The following SLC11A2 variants were observed in gnomAD, a reference collection of about 807,000 sequenced individuals.
SLC11A2 encodes the protein solute carrier family 11 member 2.
In SLC11A2, 38 loss-of-function variants were observed where a neutral mutation model predicts 68.0. The observed-to-expected ratio is 0.56, with a 90% CI of 0.43 to 0.73. The LOEUF (loss-of-function observed/expected upper bound fraction) is 0.73, where lower values mean the gene tolerates loss of function less well. Ranked by LOEUF, SLC11A2 falls within the 30% of genes least tolerant of loss-of-function variation. SLC11A2 has a pLI of 0.00. For missense variants in SLC11A2, 517 were observed against 690.5 expected, an observed-to-expected ratio of 0.75 and a Z score of 2.82; for synonymous variants, 242 against 250.6, an observed-to-expected ratio of 0.97 and a Z score of 0.32.
At chr12:50,985,282 T>C (rs947728359), downstream of SLC11A2, among the ~76,000 whole-genome samples, 1 of 152,178 alleles carries the variant, frequency 6.6e-6, no homozygotes, top group Non-Finnish European at 1.5e-5. Context: ...TGAATCCTAT[T>C]TTAGTTCTGA....
Position 50,987,977 on chromosome 12 carries a change from C to G in SLC11A2, c.*348G>C, listed in dbSNP as rs1940763426. 1 of 1,301,868 alleles carries G rather than the reference C, an allele frequency of 7.7e-7. No individual in the cohort carries two copies. The highest frequency in any genetic ancestry group is 1.0e-6 in the Non-Finnish European group (1 of 998,636). 80.6% of individuals were successfully genotyped at this position (1,301,868 alleles called of 1,614,324 possible). A position where few individuals can be genotyped will look rare whatever the true frequency, so the allele number is the denominator to read the frequency against. On this transcript the variant is annotated 3_prime_UTR_variant, in exon 16 of 16. Coordinates refer to ENST00000262052, the MANE Select transcript of SLC11A2 (RefSeq NM_000617.3). ...ATAATAAAAAATGTATTGCATTTTC[C>G]AATTTTTTTTTAACATATAGCCTGG... is the stretch of plus-strand genomic sequence containing the variant.
chr12:51,011,217 C>T (rs1943193413), intron 1 of SLC11A2, among the ~76,000 whole-genome samples: 1 of 151,954 alleles, frequency 6.6e-6, no homozygotes, highest in Non-Finnish European at 1.5e-5. Flanking sequence ...CAACCTCTGC[C>T]TCCTGGGTTC....
chr12:50,997,714 A>C (rs1941839099), intron 8 of SLC11A2, among the ~76,000 whole-genome samples: 2 of 134,936 alleles, frequency 1.5e-5, no homozygotes, highest in South Asian at 4.9e-4. Flanking sequence ...AAGGCCAGGC[A>C]TGGTGGCTCA....
downstream of SLC11A2, among the ~76,000 whole-genome samples, chr12:50,978,027 C>A (rs914686054): frequency 1.6e-4 from 24 of 152,150 alleles, no homozygotes; most frequent in African/African-American, 5.6e-4. Flanking sequence ...GAAATAGGAA[C>A]TTTTACACTG....
chr12:50,958,256 A>G, the SLC11A2 span, among the ~76,000 whole-genome samples: 1 of 151,556 alleles, frequency 6.6e-6, no homozygotes, highest in East Asian at 1.9e-4. Context: ...ATGGAAAGGC[A>G]CAAGTCCTAG....
intron 15 of SLC11A2, among the ~76,000 whole-genome samples, chr12:50,990,168 A>T (rs778725672): frequency 1.9e-3 from 152 of 80,302 alleles, no homozygotes; most frequent in Non-Finnish European, 3.2e-3. Context: ...CATGATTTTT[A>T]AAAAATGACT....
chr12:51,028,692 T>C (rs985681796), upstream of SLC11A2: 1 of 155,714 alleles, frequency 6.4e-6, no homozygotes, highest in Non-Finnish European at 1.4e-5. Flanking sequence ...AGCCTGACAG[T>C]GCACTTGTAT....
the SLC11A2 span, chr12:50,961,180 G>A: frequency 7.2e-7 from 1 of 1,394,444 alleles, no homozygotes; most frequent in Non-Finnish European, 9.9e-7. Flanking sequence ...CATAGTAGAA[G>A]ATGAATGTTG....
chr12:51,015,984 C>T (rs938415153), intron 1 of SLC11A2, among the ~76,000 whole-genome samples: 13 of 152,044 alleles, frequency 8.6e-5, no homozygotes, highest in African/African-American at 2.2e-4. Flanking sequence ...GGGGTTTCAC[C>T]GTGTTGGCCA....
intron 3 of SLC11A2, chr12:51,008,063 G>A: frequency 6.1e-6 from 1 of 165,162 alleles, no homozygotes; most frequent in Non-Finnish European, 1.3e-5. Flanking sequence ...AATGAGCCTG[G>A]CATGGTGGCA....
intron 1 of SLC11A2, chr12:51,026,106 T>C (rs1176762277): frequency 9.1e-7 from 1 of 1,099,574 alleles, no homozygotes; most frequent in Non-Finnish European, 1.1e-6. Context: ...TTTGGGTCTT[T>C]CTCTGAATGG....
chr12:51,013,365 G>A (rs1027475735), intron 1 of SLC11A2, among the ~76,000 whole-genome samples: 8 of 145,778 alleles, frequency 5.5e-5, no homozygotes, highest in African/African-American at 1.8e-4. Context: ...ATCTCAGCTC[G>A]CTACAACCTC....
chr12:51,026,028 T>C (rs1302828498), intron 1 of SLC11A2: 1 of 1,052,754 alleles, frequency 9.5e-7, no homozygotes, highest in African/African-American at 1.7e-5. Flanking sequence ...CTGGGCCATG[T>C]GTCCTAGGCC....
chr12:50,961,195 A>C, the SLC11A2 span: 1 of 1,307,232 alleles, frequency 7.6e-7, no homozygotes. Context: ...ATGTTGGGTC[A>C]CAATGATGTA....
intron 11 of SLC11A2, among the ~76,000 whole-genome samples, chr12:50,993,948 A>G (rs1325483510): frequency 3.0e-5 from 4 of 132,280 alleles, no homozygotes. Flanking sequence ...GCCATGATCG[A>G]GCCACTGTAC....
upstream of SLC11A2, among the ~76,000 whole-genome samples, chr12:51,027,445 G>GA (rs1944437592): frequency 6.6e-6 from 1 of 151,596 alleles, no homozygotes; most frequent in Non-Finnish European, 1.5e-5. Flanking sequence ...GAGGAACCGA[G>GA]AAACATCAGC....
intron 5 of SLC11A2, 119 bp from the exon 6 acceptor site, chr12:51,000,538 C>A: frequency 2.6e-6 from 2 of 759,824 alleles, no homozygotes; most frequent in Admixed American, 2.0e-5. Context: ...AGCCTCCAGA[C>A]TAGAGAAGAA....
intron 1 of SLC11A2, among the ~76,000 whole-genome samples, chr12:51,015,380 C>T (rs143844580): frequency 0.014 from 2,176 of 150,882 alleles, 23 homozygotes; most frequent in Non-Finnish European, 0.022. Context: ...GAGGCTGAGG[C>T]GGGAGAATCG....
intron 1 of SLC11A2, among the ~76,000 whole-genome samples, chr12:51,013,974 A>G (rs1943434308): frequency 6.6e-6 from 1 of 151,958 alleles, no homozygotes; most frequent in Admixed American, 6.6e-5. Flanking sequence ...GGCACGTGCC[A>G]CCACACCCAG....
Sources: allele counts gnomAD v4.1 joint callset (sites outside exome capture counted in the v4.1 genomes callset), GRCh38; gene constraint gnomAD v4.1.1; transcripts MANE v1.5; gene names NCBI Gene and HGNC (gene_info 2026-07-23, HGNC 2026-07-21).